The following TTBK2 variants were observed in gnomAD, a reference collection of about 807,000 sequenced individuals.
TTBK2 encodes the protein tau tubulin kinase 2.
A neutral mutation model predicts 110.8 loss-of-function variants in TTBK2; 28 were observed. The ratio of observed to expected loss-of-function variants is 0.25; its 90% CI spans 0.19 to 0.35. The LOEUF (loss-of-function observed/expected upper bound fraction) is 0.35, where lower values mean the gene tolerates loss of function less well. Ranked by LOEUF, TTBK2 falls within the 10% of genes least tolerant of loss-of-function variation. TTBK2 has a pLI of 1.00. For synonymous variants in TTBK2, 532 were observed against 527.3 expected, an observed-to-expected ratio of 1.01 and a Z score of -0.12; for missense variants, 1,369 against 1,500.3, an observed-to-expected ratio of 0.91 and a Z score of 1.45.
chr15:42,760,098 T>G (rs1285461384), intron 13 of TTBK2, among the ~76,000 whole-genome samples: 3 of 151,998 alleles, frequency 2.0e-5, no homozygotes, highest in Non-Finnish European at 4.4e-5. Context: ...ACTAAAGAAT[T>G]AAATGGGCCG....
intron 1 of TTBK2, among the ~76,000 whole-genome samples, chr15:42,899,898 A>G (rs2029890034): frequency 6.6e-6 from 1 of 151,502 alleles, no homozygotes; most frequent in South Asian, 2.1e-4. Flanking sequence ...GCGAAACTCC[A>G]TCTCAAGAAA....
At chr15:42,854,659 A>C (rs1325257627) in intron 3 of TTBK2, among the ~76,000 whole-genome samples, 2 of 152,104 alleles carry the variant, frequency 1.3e-5, no homozygotes, top group Non-Finnish European at 2.9e-5. Flanking sequence ...AAAAAAAAAA[A>C]AACCTCAAAT....
At position 42,794,776 on chromosome 15, in the gene TTBK2, C is replaced by T. The variant is rs768065068; in HGVS notation, c.848G>A (p.Ser283Asn). Residue 283 changes from serine to asparagine, a missense_variant, in exon 10 of 15, where the codon AGC (serine) becomes AAC (asparagine). Coordinates refer to ENST00000267890, the MANE Select transcript of TTBK2 (RefSeq NM_173500.4). ...CTCAATTACTCCAAAAGTCTTGATG[C>T]TATTGTCAAACACGGATGTAAGAAG... ...YQLLTSVFDNSIKTFGVIESD... is the reference protein window; with the variant it reads ...YQLLTSVFDNNIKTFGVIESD... The T allele has an allele frequency of 7.4e-6, 12 of 1,614,020 alleles. No individual in the cohort carries two copies. Among genetic ancestry groups the T allele is most frequent in the Non-Finnish European group, 1.0e-5 (12 of 1,180,024 alleles).
At chr15:42,916,772 CTT>C (rs2031103703) in intron 1 of TTBK2, among the ~76,000 whole-genome samples, 1 of 152,108 alleles carries the variant, frequency 6.6e-6, no homozygotes, top group South Asian at 2.1e-4. Context: ...AAAATATAGT[CTT>C]TCAATGATCA....
intron 1 of TTBK2, among the ~76,000 whole-genome samples, chr15:42,905,827 T>A (rs1326623062): frequency 2.0e-5 from 3 of 152,182 alleles, no homozygotes. Context: ...TGACAATCAC[T>A]AAGCATTAAA....
intron 8 of TTBK2, 32 bp from the exon 9 acceptor site, chr15:42,810,771 A>C: frequency 2.5e-6 from 4 of 1,612,342 alleles, no homozygotes; most frequent in Non-Finnish European, 3.4e-6. Flanking sequence ...AGCTACAGTC[A>C]ATTTCTCTTG....
At chr15:42,815,494 T>G (rs773682153) in intron 7 of TTBK2, among the ~76,000 whole-genome samples, 1 of 152,014 alleles carries the variant, frequency 6.6e-6, no homozygotes, top group African/African-American at 2.4e-5. Context: ...CCCAACTCCA[T>G]GCAAAAAAGT....
intron 6 of TTBK2, among the ~76,000 whole-genome samples, chr15:42,825,283 C>T (rs890328633): frequency 6.6e-6 from 1 of 152,066 alleles, no homozygotes; most frequent in South Asian, 2.1e-4. Context: ...AAACAAGTAC[C>T]CTCAAGATCT....
In TTBK2 at chr15:42,768,263, G is replaced by C. The variant is rs148731079; in HGVS notation, c.1998+6872C>G. On this transcript the variant is annotated intron_variant, in intron 13 of 14. Coordinates refer to ENST00000267890, the MANE Select transcript of TTBK2 (RefSeq NM_173500.4). ...ACATAGTGTTGGAAGTTCTGGCCAG[G>C]GCAATCAGGCAAGAGAAAGAAATAA... is the stretch of plus-strand genomic sequence containing the variant. Among the ~76,000 whole-genome samples, 203 of 152,252 alleles carry C rather than the reference G, an allele frequency of 1.3e-3. 7 individuals carry two copies. In the East Asian group the frequency reaches 0.036, roughly 27 times the overall value.
At position 42,764,647 on chromosome 15, in the gene TTBK2, G is replaced by A. The variant is rs145424460; in HGVS notation, c.1998+10488C>T. 7.9e-5 allele frequency among the ~76,000 whole-genome samples: 12 copies of A among 152,386 alleles called. No homozygotes were observed. In the East Asian group the frequency reaches 2.1e-3, roughly 27 times the overall value. On this transcript the variant is annotated intron_variant, in intron 13 of 14. Transcript: ENST00000267890. ...AGCCCACCGCAGCTCAGCAAGGCCTGCTGCCTCTGTAGACTCCACCTCTGG... is the reference window on the plus strand; with the variant it reads ...AGCCCACCGCAGCTCAGCAAGGCCTACTGCCTCTGTAGACTCCACCTCTGG...
Position 42,804,030 on chromosome 15 carries a change from A to AG in TTBK2, c.822+6583_822+6584insC, listed in dbSNP as rs376802106. Among the ~76,000 whole-genome samples the AG allele has an allele frequency of 4.9e-3, 627 of 126,916 alleles. 1 individual carries two copies. The highest frequency in any genetic ancestry group is 7.0e-3 in the South Asian group (28 of 3,972). The allele number at this position is 126,916 out of a possible 152,430, so 83.3% of individuals were successfully genotyped here. A position where few individuals can be genotyped will look rare whatever the true frequency, so the allele number is the denominator to read the frequency against. Reference sequence around the variant, plus strand: ...GTGCAAAAAAAAAAAAAAAAAAAAAAAGAGAGAGATGATTACAAGCAAATG... The same window carrying AG: ...GTGCAAAAAAAAAAAAAAAAAAAAAAGAGAGAGAGATGATTACAAGCAAATG... On this transcript the variant is annotated intron_variant, in intron 9 of 14. Coordinates refer to ENST00000267890, the MANE Select transcript of TTBK2 (RefSeq NM_173500.4).
chr15:42,759,191 C>A (rs1376018776), intron 13 of TTBK2, among the ~76,000 whole-genome samples: 3 of 152,234 alleles, frequency 2.0e-5, no homozygotes, highest in Non-Finnish European at 4.4e-5. Context: ...CTAACCCCTG[C>A]CATGCACACT....
intron 4 of TTBK2, among the ~76,000 whole-genome samples, chr15:42,830,622 T>C (rs1002341720): frequency 6.6e-6 from 1 of 152,032 alleles, no homozygotes; most frequent in Non-Finnish European, 1.5e-5. Flanking sequence ...CCTTTATCTC[T>C]GAAGTCATAA....
chr15:42,798,076 G>A (rs1033684081), intron 9 of TTBK2, among the ~76,000 whole-genome samples: 1 of 151,882 alleles, frequency 6.6e-6, no homozygotes, highest in African/African-American at 2.4e-5. Context: ...TAGAGACGGG[G>A]TTTCACCATG....
intron 3 of TTBK2, chr15:42,871,411 C>T: frequency 1.0e-6 from 1 of 984,074 alleles, no homozygotes; most frequent in Non-Finnish European, 1.2e-6. Flanking sequence ...AGGAGAACCT[C>T]CTGAAGGGGT....
intron 14 of TTBK2, 131 bp downstream of exon 14, chr15:42,751,843 G>T: frequency 8.8e-7 from 1 of 1,134,540 alleles, no homozygotes; most frequent in Non-Finnish European, 1.3e-6. Flanking sequence ...TAGGCTGTAA[G>T]GCCTGGGAAA....
intron 4 of TTBK2, 129 bp downstream of exon 4, chr15:42,840,231 T>C: frequency 1.2e-6 from 1 of 849,818 alleles, no homozygotes; most frequent in Non-Finnish European, 2.0e-6. Context: ...TAAATACAGT[T>C]CCATCTGCAT....
At chr15:42,832,325 A>C (rs1410926340) in intron 4 of TTBK2, among the ~76,000 whole-genome samples, 1 of 152,228 alleles carries the variant, frequency 6.6e-6, no homozygotes. Context: ...AAATCAATTA[A>C]ATTTTATTTA....
At chr15:42,917,972 T>C (rs2031174048) in intron 1 of TTBK2, among the ~76,000 whole-genome samples, 1 of 152,122 alleles carries the variant, frequency 6.6e-6, no homozygotes, top group East Asian at 1.9e-4. Context: ...TAGCTATATT[T>C]TCCATAATTC....
Sources: gnomAD v4.1 joint callset for allele counts (sites outside exome capture counted in the v4.1 genomes callset) on GRCh38, gnomAD v4.1.1 for gene constraint, MANE v1.5 for transcripts, NCBI Gene and HGNC (gene_info 2026-07-23, HGNC 2026-07-21) for gene names.